Variants in KCNU1 observed in about 807,000 individuals in gnomAD.
The protein encoded by KCNU1 is potassium calcium-activated channel subfamily U member 1.
In KCNU1, 93 loss-of-function variants were observed where a neutral mutation model predicts 126.8. The observed-to-expected ratio is 0.73, with a 90% CI of 0.62 to 0.87. KCNU1 has a LOEUF of 0.87. Ranked by LOEUF, KCNU1 falls within the 40% of genes least tolerant of loss-of-function variation. The pLI, the probability that KCNU1 is intolerant of heterozygous loss-of-function variation, is 0.00. For synonymous variants in KCNU1, 523 were observed against 494.2 expected, an observed-to-expected ratio of 1.06 and a Z score of -0.77; for missense variants, 1,330 against 1,367.1, an observed-to-expected ratio of 0.97 and a Z score of 0.43.
intron 24 of KCNU1, among the ~76,000 whole-genome samples, chr8:36,926,706 C>T (rs1401791176): frequency 6.6e-6 from 1 of 152,122 alleles, no homozygotes; most frequent in Non-Finnish European, 1.5e-5. Flanking sequence ...CATAATATCC[C>T]TCCACAAAGA....
intron 24 of KCNU1, among the ~76,000 whole-genome samples, chr8:36,923,250 G>T (rs1808426743): frequency 6.6e-6 from 1 of 152,158 alleles, no homozygotes. Context: ...GCACTGTTGG[G>T]GTGCTGGGGA....
At chr8:36,931,233 T>C in intron 25 of KCNU1, 88 bp downstream of exon 25, 1 of 752,814 alleles carries the variant, frequency 1.3e-6, no homozygotes, top group South Asian at 2.1e-5. Flanking sequence ...GGTTCATAGA[T>C]GTCCCATAGC....
At chr8:36,794,971 G>T (rs1156324603) in intron 2 of KCNU1, among the ~76,000 whole-genome samples, 1 of 151,970 alleles carries the variant, frequency 6.6e-6, no homozygotes, top group Admixed American at 6.6e-5. Flanking sequence ...CATAAGAAAT[G>T]AAAGTCCACC....
intron 10 of KCNU1, among the ~76,000 whole-genome samples, chr8:36,831,237 A>G (rs1462124720): frequency 6.6e-6 from 1 of 151,966 alleles, no homozygotes. Context: ...ATGTGTCTTT[A>G]TAGCAGCATG....
In KCNU1 at chr8:36,889,085, G is replaced by A. The variant is rs1179395586; in HGVS notation, c.2010-16623G>A. 1.1e-5 allele frequency: 6 copies of A among 528,054 alleles called. No individual in the cohort carries two copies. In the Admixed American group the frequency reaches 1.2e-4, roughly 10 times the overall value. 32.7% of individuals were successfully genotyped at this position (528,054 alleles called of 1,614,324 possible). A position where few individuals can be genotyped will look rare whatever the true frequency, so the allele number is the denominator to read the frequency against. Reference sequence around the variant, plus strand: ...GTAGAGACAGGGTTTCACCATGTTGGCCAGGCTGATCTCGAACTCCTGACC... The same window carrying A: ...GTAGAGACAGGGTTTCACCATGTTGACCAGGCTGATCTCGAACTCCTGACC... On this transcript the variant is annotated intron_variant, in intron 19 of 26. Transcript: ENST00000399881.
intron 18 of KCNU1, among the ~76,000 whole-genome samples, chr8:36,858,003 GTGTT>G (rs1293257134): frequency 1.3e-5 from 2 of 152,012 alleles, no homozygotes; most frequent in Non-Finnish European, 2.9e-5. Context: ...TTTTCAATGT[GTGTT>G]TGTTTATGTT....
At chr8:36,828,491 T>C (rs547497181) in intron 10 of KCNU1, among the ~76,000 whole-genome samples, 1 of 152,258 alleles carries the variant, frequency 6.6e-6, no homozygotes, top group East Asian at 1.9e-4. Context: ...TTTAGACATG[T>C]TTAACTTTAT....
chr8:36,834,253 A>T (rs1804666164), intron 11 of KCNU1, among the ~76,000 whole-genome samples: 1 of 152,232 alleles, frequency 6.6e-6, no homozygotes, highest in Admixed American at 6.5e-5. Flanking sequence ...AGATCTATAG[A>T]GTAAACATGA....
chr8:36,888,409 G>A (rs1238516207), intron 19 of KCNU1: 3 of 380,142 alleles, frequency 7.9e-6, no homozygotes, highest in Non-Finnish European at 1.6e-5. Context: ...ACACCACTCT[G>A]GCTGCACCGT....
chr8:36,893,012 C>T (rs1807030112), intron 19 of KCNU1, among the ~76,000 whole-genome samples: 1 of 152,124 alleles, frequency 6.6e-6, no homozygotes, highest in Non-Finnish European at 1.5e-5. Context: ...CCCAGGACAG[C>T]ATGCAGTGGC....
chr8:36,910,900 A>C, intron 21 of KCNU1, 30 bp from the exon 22 acceptor site: 1 of 1,492,724 alleles, frequency 6.7e-7, no homozygotes, highest in South Asian at 1.2e-5. Flanking sequence ...CCATCCGACC[A>C]GTGCCTCCTC....
In KCNU1 at chr8:36,845,580, T is replaced by G. The variant is rs751633818; in HGVS notation, c.1704T>G (p.Cys568Trp). 98 of 1,584,770 alleles carry G rather than the reference T, an allele frequency of 6.2e-5. No individual in the cohort carries two copies. The highest frequency in any genetic ancestry group is 7.3e-5 in the Non-Finnish European group (84 of 1,155,642). ...EYKSLFTDGFCGLILNPPPQV... is the reference protein window; with the variant it reads ...EYKSLFTDGFWGLILNPPPQV... ...CCATGTGTTTATTTTTTGTTTCCAG[T>G]GGTCTGATACTAAATCCACCTCCAC... Residue 568 changes from cysteine (C) to tryptophan (W), a missense_variant and splice_region_variant, in exon 17 of 27, where the codon TGT (cysteine) becomes TGG (tryptophan). Physicochemically the swap from Cys to Trp is radical, Grantham distance 215. Around this residue, in one of 3 missense-constraint regions of KCNU1, gnomAD observed 1,054 missense variants for 1,053.9 expected, o/e 1.00. Transcript: ENST00000399881.
rs555349346 is a variant in KCNU1 at position 36,868,778 on chromosome 8, G to A, written c.2009+4257G>A. Among the ~76,000 whole-genome samples the A allele has an allele frequency of 5.3e-5, 8 of 152,174 alleles. No homozygotes were observed. The East Asian group carries it at 1.5e-3, about 29-fold the overall frequency. ...TGAATGAATAAGTATACAAACATTA[G>A]CTCTATTTGCTTGAATTTTATGTCC... On this transcript the variant is annotated intron_variant, in intron 19 of 26. Transcript: ENST00000399881.
intron 18 of KCNU1, among the ~76,000 whole-genome samples, chr8:36,848,652 G>C (rs1805234655): frequency 6.6e-6 from 1 of 152,068 alleles, no homozygotes. Context: ...TCAGGACATG[G>C]GAACCTCAGT....
chr8:36,788,551 C>T (rs1802794174), intron 2 of KCNU1, among the ~76,000 whole-genome samples: 1 of 152,138 alleles, frequency 6.6e-6, no homozygotes, highest in Non-Finnish European at 1.5e-5. Flanking sequence ...TTATAACTAG[C>T]AAAAACATGG....
intron 2 of KCNU1, among the ~76,000 whole-genome samples, chr8:36,792,723 T>C (rs1802948117): frequency 6.6e-6 from 1 of 152,186 alleles, no homozygotes. Context: ...TAGATTTCAA[T>C]AAATGAGCTA....
At chr8:36,845,766 C>T in intron 17 of KCNU1, 36 bp from the exon 18 acceptor site, 1 of 1,521,816 alleles carries the variant, frequency 6.6e-7, no homozygotes, top group Non-Finnish European at 9.1e-7. Context: ...CATTAAGACT[C>T]ACATAATTCA....
chr8:36,924,439 A>C (rs768755983), intron 24 of KCNU1, among the ~76,000 whole-genome samples: 6 of 152,184 alleles, frequency 3.9e-5, no homozygotes, highest in Non-Finnish European at 7.4e-5. Flanking sequence ...GCCATTCGGC[A>C]TGAGATTGTG....
Position 36,831,500 on chromosome 8 carries a change from T to C in KCNU1, c.1107-2054T>C, listed in dbSNP as rs1339041630. 2.0e-5 allele frequency among the ~76,000 whole-genome samples: 3 copies of C among 152,198 alleles called. No individual in the cohort carries two copies. In the East Asian group the frequency reaches 5.8e-4, roughly 29 times the overall value. ...ATTGTGGTTTGGATTTGCATTTCTC[T>C]GATGGCCAGTGATGGTGAGCATTTT... On this transcript the variant is annotated intron_variant, in intron 10 of 26. Coordinates refer to ENST00000399881, the MANE Select transcript of KCNU1 (RefSeq NM_001031836.3).
Sources: allele counts gnomAD v4.1 joint callset (sites outside exome capture counted in the v4.1 genomes callset), GRCh38; gene constraint gnomAD v4.1.1; regional missense constraint gnomAD v4.1.1; transcripts MANE v1.5; gene names NCBI Gene and HGNC (gene_info 2026-07-23, HGNC 2026-07-21).